The following PCDH15 variants were observed in gnomAD, a reference collection of about 807,000 sequenced individuals.
PCDH15 encodes protocadherin related 15.
PCDH15 carries 129 observed loss-of-function variants against 178.5 expected under a neutral mutation model. The ratio of observed to expected loss-of-function variants is 0.72; its 90% CI spans 0.63 to 0.84. The LOEUF (loss-of-function observed/expected upper bound fraction) is 0.84. PCDH15 is among the 40% of genes least tolerant of loss of function. PCDH15 has a pLI of 0.00. For missense variants in PCDH15, 2,230 were observed against 2,099.9 expected, an observed-to-expected ratio of 1.06 and a Z score of -1.21; for synonymous variants, 800 against 732.0, an observed-to-expected ratio of 1.09 and a Z score of -1.50.
In PCDH15 at chr10:53,878,541, A is replaced by ATAATG. The variant is rs1554841246; in HGVS notation, c.3502-11685_3502-11684insCATTA. Among the ~76,000 whole-genome samples the ATAATG allele has an allele frequency of 3.6e-3, 524 of 145,656 alleles. 2 individuals carry two copies. Among genetic ancestry groups the ATAATG allele is most frequent in the African/African-American group, 0.012 (492 of 39,820 alleles). On this transcript the variant is annotated intron_variant, in intron 26 of 37. Transcript: ENST00000644397. ...GTGTGTGTATATATATATATATAAT[A>ATAATG]AAACACTGAATAAAGCAATCAAACC... is the stretch of plus-strand genomic sequence containing the variant.
intron 3 of PCDH15, among the ~76,000 whole-genome samples, chr10:54,829,312 A>C (rs1770992006): frequency 6.6e-6 from 1 of 151,976 alleles, no homozygotes; most frequent in South Asian, 2.1e-4. Flanking sequence ...CTGTAATTGC[A>C]GAACTGTAAC....
At chr10:53,816,590 T>G (rs897046029) in intron 34 of PCDH15, among the ~76,000 whole-genome samples, 1 of 152,204 alleles carries the variant, frequency 6.6e-6, no homozygotes, top group Non-Finnish European at 1.5e-5. Context: ...CAAAGAGTTA[T>G]TTATGTTTCT....
intron 2 of PCDH15, among the ~76,000 whole-genome samples, chr10:55,157,099 C>T (rs1359667624): frequency 2.7e-5 from 4 of 148,876 alleles, no homozygotes; most frequent in African/African-American, 9.7e-5. Context: ...TATCTTAACA[C>T]ATATGTGAAG....
intron 3 of PCDH15, among the ~76,000 whole-genome samples, chr10:54,437,341 A>AT (rs1472947158): frequency 2.6e-5 from 4 of 152,286 alleles, no homozygotes; most frequent in Admixed American, 1.3e-4. Flanking sequence ...TGATGAACAA[A>AT]TTATCTGTAA....
At chr10:53,894,665 C>T (rs958923598) in intron 26 of PCDH15, among the ~76,000 whole-genome samples, 10 of 152,166 alleles carry the variant, frequency 6.6e-5, no homozygotes, top group African/African-American at 9.7e-5. Flanking sequence ...AAGTAATCTA[C>T]GCTATTTGAC....
In PCDH15 at chr10:54,023,089, G is replaced by GTCCCTGA; in HGVS notation, c.2328_2329insTCAGGGA (p.Leu777SerfsTer4). Reference sequence around the variant, plus strand: ...TAGTAGTCCCTGACTTCTCTGTTAAGCTTCACTGCTGTGTAAATGCTCCCA... The same window carrying GTCCCTGA: ...TAGTAGTCCCTGACTTCTCTGTTAAGTCCCTGACTTCACTGCTGTGTAAATGCTCCCA... On this transcript the variant is annotated frameshift_variant, in exon 19 of 38. Coordinates refer to ENST00000644397, the MANE Select transcript of PCDH15 (RefSeq NM_001384140.1). LOFTEE classifies it high-confidence loss of function. 6.2e-7 allele frequency: 1 copy of GTCCCTGA among 1,613,940 alleles called. No individual in the cohort carries two copies. Among genetic ancestry groups the GTCCCTGA allele is most frequent in the Non-Finnish European group, 8.5e-7 (1 of 1,179,906 alleles).
intron 3 of PCDH15, among the ~76,000 whole-genome samples, chr10:54,446,080 G>A (rs2076126346): frequency 6.6e-6 from 1 of 151,484 alleles, no homozygotes. Context: ...TGGCTTAAAA[G>A]TAAAAAGCCT....
At chr10:53,912,804 A>C (rs1467443539) in intron 25 of PCDH15, among the ~76,000 whole-genome samples, 1 of 152,168 alleles carries the variant, frequency 6.6e-6, no homozygotes, top group African/African-American at 2.4e-5. Flanking sequence ...ACACCAACAA[A>C]TGGAAGAACA....
intron 1 of PCDH15, among the ~76,000 whole-genome samples, chr10:55,196,641 T>C (rs908647547): frequency 1.3e-5 from 2 of 152,094 alleles, no homozygotes; most frequent in Non-Finnish European, 2.9e-5. Flanking sequence ...TTAAATCACA[T>C]GCTATTAAAA....
At chr10:55,552,376 C>A (rs921381662) in intron 2 of PCDH15, among the ~76,000 whole-genome samples, 6 of 151,412 alleles carry the variant, frequency 4.0e-5, no homozygotes, top group African/African-American at 1.4e-4. Context: ...TTAAATAAAT[C>A]TTAAAGGTAC....
At chr10:55,056,716 T>A (rs528044250) in intron 2 of PCDH15, among the ~76,000 whole-genome samples, 184 of 151,688 alleles carry the variant, frequency 1.2e-3, no homozygotes, top group Non-Finnish European at 2.2e-3. Context: ...CACTGCAACC[T>A]CCACCTCCCA....
chr10:55,078,454 T>C (rs184467056), intron 2 of PCDH15, among the ~76,000 whole-genome samples: 118 of 152,164 alleles, frequency 7.8e-4, no homozygotes, highest in Non-Finnish European at 1.4e-3. Flanking sequence ...ATAATTTGTA[T>C]ATGTAGTCAC....
At chr10:54,620,316 C>T (rs770025295) in intron 2 of PCDH15, among the ~76,000 whole-genome samples, 1 of 151,890 alleles carries the variant, frequency 6.6e-6, no homozygotes, top group Non-Finnish European at 1.5e-5. Flanking sequence ...TATTATTATA[C>T]AGTCACATAT....
At chr10:54,600,096 GA>G in intron 2 of PCDH15, 2 of 1,025,590 alleles carry the variant, frequency 2.0e-6, no homozygotes, top group Non-Finnish European at 1.5e-6. Flanking sequence ...AGAAGGTAGA[GA>G]AAAAGGAAGA....
intron 2 of PCDH15, among the ~76,000 whole-genome samples, chr10:54,955,795 C>T (rs1193021403): frequency 6.6e-6 from 1 of 151,132 alleles, no homozygotes; most frequent in African/African-American, 2.4e-5. Flanking sequence ...TGTAGCAGCG[C>T]AATTAATTTA....
chr10:54,247,879 G>A (rs565652600), intron 8 of PCDH15, among the ~76,000 whole-genome samples: 5,641 of 143,572 alleles, frequency 0.039, 298 homozygotes, highest in African/African-American at 0.12. Flanking sequence ...AAAAAAAAAA[G>A]AAATATGTAT....
At chr10:55,541,873 T>A (rs1008982672) in intron 2 of PCDH15, among the ~76,000 whole-genome samples, 1 of 151,892 alleles carries the variant, frequency 6.6e-6, no homozygotes, top group Non-Finnish European at 1.5e-5. Flanking sequence ...GAAGCAGCGA[T>A]TTGTGATTTG....
chr10:55,492,514 G>A (rs1840441047), intron 2 of PCDH15, among the ~76,000 whole-genome samples: 1 of 151,698 alleles, frequency 6.6e-6, no homozygotes, highest in South Asian at 2.1e-4. Context: ...CAGACTTTAT[G>A]GAATTAGTAC....
intron 3 of PCDH15, among the ~76,000 whole-genome samples, chr10:54,422,156 G>A (rs1955610890): frequency 6.6e-6 from 1 of 151,632 alleles, no homozygotes. Flanking sequence ...AGTTGCAAGA[G>A]CATAGGAGAA....
Sources: gnomAD v4.1 joint callset for allele counts (sites outside exome capture counted in the v4.1 genomes callset) on GRCh38, gnomAD v4.1.1 for gene constraint, MANE v1.5 for transcripts, NCBI Gene and HGNC (gene_info 2026-07-23, HGNC 2026-07-21) for gene names.